The following NOL4 variants were observed in gnomAD, a reference collection of about 807,000 sequenced individuals.
NOL4 encodes the protein cancer/testis antigen 125.
In NOL4, 17 loss-of-function variants were observed where a neutral mutation model predicts 75.9. The observed-to-expected ratio is 0.22, with a 90% confidence interval of 0.15 to 0.34. The LOEUF is 0.34. Ranked by LOEUF, NOL4 falls within the 10% of genes least tolerant of loss-of-function variation. The probability of loss-of-function intolerance (pLI) is 1.00; values close to 1 mark genes in which losing one functional copy is unlikely to be tolerated. For missense variants in NOL4, 614 were observed against 793.5 expected (o/e 0.77, Z 2.72); for synonymous variants, 292 against 289.9 (o/e 1.01, Z -0.07).
intron 1 of NOL4, among the ~76,000 whole-genome samples, chr18:34,198,322 C>T (rs1228754918): frequency 6.6e-6 from 1 of 151,822 alleles, no homozygotes; most frequent in African/African-American, 2.4e-5. Context: ...ATCCTCCTCA[C>T]CCTCCATAAA....
intron 9 of NOL4, among the ~76,000 whole-genome samples, chr18:33,910,484 C>T (rs149711599): frequency 4.6e-5 from 7 of 152,054 alleles, no homozygotes. Context: ...CTCCCAGGGC[C>T]TCAGTTCCCT....
intron 9 of NOL4, among the ~76,000 whole-genome samples, chr18:33,914,693 T>C (rs1363921764): frequency 6.6e-6 from 1 of 152,058 alleles, no homozygotes; most frequent in African/African-American, 2.4e-5. Context: ...GCCAAAGGAT[T>C]GATGTGTAAT....
intron 2 of NOL4, among the ~76,000 whole-genome samples, chr18:34,123,260 T>C (rs142472143): frequency 1.8e-4 from 27 of 151,888 alleles, no homozygotes; most frequent in Non-Finnish European, 3.7e-4. Context: ...CAGTAAGCTA[T>C]TCTTTTGTTT....
chr18:33,872,717 G>A (rs1438017987), intron 10 of NOL4, among the ~76,000 whole-genome samples: 1 of 151,978 alleles, frequency 6.6e-6, no homozygotes, highest in African/African-American at 2.4e-5. Context: ...ATAGATCCCG[G>A]TGGAGGAACT....
At chr18:34,081,840 A>G (rs1297848341) in intron 5 of NOL4, among the ~76,000 whole-genome samples, 2 of 152,206 alleles carry the variant, frequency 1.3e-5, no homozygotes, top group Admixed American at 6.5e-5. Context: ...CAGATATAAG[A>G]AAATATGAAT....
At chr18:33,882,618 C>G (rs1455734702) in intron 10 of NOL4, among the ~76,000 whole-genome samples, 69 of 149,374 alleles carry the variant, frequency 4.6e-4, no homozygotes, top group African/African-American at 1.1e-3. Flanking sequence ...GGACTGTAAA[C>G]TAGTTCAACC....
At chr18:33,887,754 A>AT (rs1015484447) in intron 9 of NOL4, among the ~76,000 whole-genome samples, 2 of 152,032 alleles carry the variant, frequency 1.3e-5, no homozygotes, top group South Asian at 2.1e-4. Context: ...TGAACTCATC[A>AT]TTTTTTATGG....
At chr18:34,107,716 C>CT (rs1302871594) in intron 2 of NOL4, among the ~76,000 whole-genome samples, 2 of 151,570 alleles carry the variant, frequency 1.3e-5, no homozygotes, top group African/African-American at 4.8e-5. Flanking sequence ...TATTCAGAAT[C>CT]TTTTCTCCCA....
chr18:34,070,678 T>C (rs1400183830), intron 5 of NOL4, among the ~76,000 whole-genome samples: 1 of 152,174 alleles, frequency 6.6e-6, no homozygotes, highest in African/African-American at 2.4e-5. Flanking sequence ...AGAGAATCTG[T>C]CACTAGTAGA....
At chr18:34,165,243 TAATAA>T (rs71159860) in intron 1 of NOL4, among the ~76,000 whole-genome samples, 27 of 150,506 alleles carry the variant, frequency 1.8e-4, no homozygotes, top group South Asian at 6.3e-4. Context: ...AGTATAATAA[TAATAA>T]AATAAAATAA....
chr18:33,906,535 T>C (rs575795904), intron 9 of NOL4, among the ~76,000 whole-genome samples: 1 of 152,296 alleles, frequency 6.6e-6, no homozygotes, highest in South Asian at 2.1e-4. Context: ...TTCCTACTAG[T>C]GTCATAACTA....
chr18:34,043,499 A>T (rs1289581494), intron 5 of NOL4, among the ~76,000 whole-genome samples: 1 of 152,096 alleles, frequency 6.6e-6, no homozygotes, highest in Non-Finnish European at 1.5e-5. Flanking sequence ...TTCTTCACCT[A>T]TTCTTGTAGG....
chr18:34,133,374 G>A (rs1455536485), intron 1 of NOL4, among the ~76,000 whole-genome samples: 1 of 151,334 alleles, frequency 6.6e-6, no homozygotes, highest in Non-Finnish European at 1.5e-5. Flanking sequence ...GCTAAAGGAA[G>A]TTATTTGGGC....
chr18:34,045,560 G>T (rs1429045904), intron 5 of NOL4, among the ~76,000 whole-genome samples: 2 of 152,056 alleles, frequency 1.3e-5, no homozygotes, highest in Non-Finnish European at 2.9e-5. Flanking sequence ...TTCAACAACT[G>T]CTCTGGCTAT....
intron 5 of NOL4, among the ~76,000 whole-genome samples, chr18:34,046,801 T>G (rs1401508010): frequency 6.6e-6 from 1 of 151,538 alleles, no homozygotes; most frequent in African/African-American, 2.4e-5. Context: ...GTCTCCTTGC[T>G]ATCCAAAATC....
At chr18:33,888,940 T>G (rs1459398512) in intron 9 of NOL4, among the ~76,000 whole-genome samples, 2 of 152,026 alleles carry the variant, frequency 1.3e-5, no homozygotes, top group Admixed American at 6.6e-5. Context: ...ATCGACATCC[T>G]AACATCACTA....
chr18:34,190,073 T>TACACAC (rs35291144), intron 1 of NOL4, among the ~76,000 whole-genome samples: 10 of 149,414 alleles, frequency 6.7e-5, no homozygotes, highest in Non-Finnish European at 1.2e-4. Context: ...TACATATACA[T>TACACAC]ACACACACAC....
At chr18:33,980,745 T>C (rs1236660255) in intron 6 of NOL4, among the ~76,000 whole-genome samples, 1 of 152,060 alleles carries the variant, frequency 6.6e-6, no homozygotes, top group African/African-American at 2.4e-5. Context: ...ACTAAAGACC[T>C]GTTTATCTCA....
intron 6 of NOL4, among the ~76,000 whole-genome samples, chr18:34,007,087 CAAT>C (rs2074073949): frequency 6.6e-6 from 1 of 151,988 alleles, no homozygotes; most frequent in Non-Finnish European, 1.5e-5. Context: ...GGAGACACAA[CAAT>C]GATTCTGTTC....
Sources: gnomAD v4.1 joint callset for allele counts (sites outside exome capture counted in the v4.1 genomes callset) on GRCh38, gnomAD v4.1.1 for gene constraint, MANE v1.5 for transcripts, NCBI Gene and HGNC (gene_info 2026-07-23, HGNC 2026-07-21) for gene names.